The following CCDC88A variants were observed in gnomAD, a reference collection of about 807,000 sequenced individuals.
The protein encoded by CCDC88A is girdin.
In CCDC88A, 54 loss-of-function variants were observed where a neutral mutation model predicts 234.3. The ratio of observed to expected loss-of-function variants is 0.23; its 90% confidence interval spans 0.19 to 0.29. CCDC88A has a LOEUF of 0.29. Among genes scored for constraint, CCDC88A ranks in the 10% least tolerant of loss-of-function variants. CCDC88A has a pLI of 1.00. For missense variants in CCDC88A, 1,832 were observed against 2,123.4 expected (o/e 0.86, Z 2.70); for synonymous variants, 753 against 737.8 (o/e 1.02, Z -0.33).
Position 55,419,083 on chromosome 2 carries a change from A to G in CCDC88A, c.-4T>C. 2 of 1,599,914 alleles carry G rather than the reference A, an allele frequency of 1.3e-6. No homozygotes were observed. The highest frequency in any genetic ancestry group is 8.6e-7 in the Non-Finnish European group (1 of 1,167,182). ...GAGTAAAAATTTCGTTCTCCATTTT[A>G]CAGAGTATGTATTTGAAAAAAGGAA... is the stretch of plus-strand genomic sequence containing the variant. On this transcript the variant is annotated 5_prime_UTR_variant, in exon 1 of 33. Coordinates refer to ENST00000436346, the MANE Select transcript of CCDC88A (RefSeq NM_001365480.1).
intron 2 of CCDC88A, among the ~76,000 whole-genome samples, chr2:55,416,382 T>C (rs1681386109): frequency 7.5e-6 from 1 of 133,222 alleles, no homozygotes; most frequent in Non-Finnish European, 1.6e-5. Context: ...ACATCAAAGC[T>C]ACTAATATAT....
At chr2:55,392,558 T>G (rs561131536) in intron 2 of CCDC88A, among the ~76,000 whole-genome samples, 9 of 152,360 alleles carry the variant, frequency 5.9e-5, no homozygotes, top group Non-Finnish European at 8.8e-5. Context: ...TCCTAGATGC[T>G]TACAGTTTTT....
intron 13 of CCDC88A, among the ~76,000 whole-genome samples, chr2:55,338,711 T>C (rs2589072): frequency 0.5 from 75,957 of 152,026 alleles, 21,273 homozygotes; most frequent in East Asian, 0.85. Context: ...AGAAAGCTCT[T>C]AAGGAGTGCT....
intron 5 of CCDC88A, among the ~76,000 whole-genome samples, chr2:55,371,467 C>T (rs866072865): frequency 1.3e-5 from 2 of 152,188 alleles, no homozygotes; most frequent in East Asian, 1.9e-4. Context: ...TTTAAAATGA[C>T]ACTGTAATAA....
chr2:55,332,751 AAGTC>A lies in CCDC88A; in HGVS notation c.2728-62_2728-59del. 8 of 1,489,226 alleles carry A rather than the reference AAGTC, an allele frequency of 5.4e-6. No individual in the cohort carries two copies. In the South Asian group the frequency reaches 9.4e-5, roughly 17 times the overall value. 92.3% of individuals were successfully genotyped at this position (1,489,226 alleles called of 1,614,324 possible). A position where few individuals can be genotyped will look rare whatever the true frequency, so the allele number is the denominator to read the frequency against. The stretch of plus-strand genomic sequence containing the variant: ...GTGTCAAGGGTATAAACATCTAAGA[AAGTC>A]AGCTAAGATTCTAATTACCACCATC... On this transcript the variant is annotated intron_variant, in intron 15 of 32. Transcript: ENST00000436346. This position sits in a 1 kb window ranked among gnomAD's most constrained non-coding sequence, Gnocchi z 4.5.
At chr2:55,305,438 T>G (rs761820228) in intron 25 of CCDC88A, among the ~76,000 whole-genome samples, 1 of 152,212 alleles carries the variant, frequency 6.6e-6, no homozygotes, top group Non-Finnish European at 1.5e-5. Flanking sequence ...TGATTCTTAT[T>G]CTGGATGTTT....
intron 2 of CCDC88A, chr2:55,397,121 C>G (rs56133422): frequency 0.51 from 76,725 of 151,606 alleles, 21,482 homozygotes; most frequent in Admixed American, 0.63. Context: ...GATGGAGTCT[C>G]GCTCTGTCAC....
intron 6 of CCDC88A, chr2:55,363,697 T>C (rs186923689): frequency 2.5e-5 from 8 of 318,586 alleles, no homozygotes; most frequent in Admixed American, 1.5e-4. Flanking sequence ...CAAAGACATA[T>C]ACCTCATTCC....
intron 17 of CCDC88A, chr2:55,322,929 C>T (rs930633236): frequency 1.9e-5 from 6 of 308,194 alleles, no homozygotes; most frequent in African/African-American, 1.1e-4. Context: ...TATCGTTTGT[C>T]GTGCAAATGC....
chr2:55,310,099 AG>A (rs1281292170), intron 23 of CCDC88A, among the ~76,000 whole-genome samples: 1 of 152,220 alleles, frequency 6.6e-6, no homozygotes, highest in Non-Finnish European at 1.5e-5. Flanking sequence ...GTGTAGTTGT[AG>A]GAAGTTAAAA....
intron 11 of CCDC88A, 114 bp downstream of exon 11, chr2:55,344,254 C>G (rs1668839123): frequency 1.7e-6 from 1 of 599,476 alleles, no homozygotes; most frequent in East Asian, 3.0e-5. Context: ...TTAGCTCTCT[C>G]TTCTCTGTTA....
chr2:55,359,709 A>G (rs1671043188), intron 7 of CCDC88A, among the ~76,000 whole-genome samples: 1 of 151,644 alleles, frequency 6.6e-6, no homozygotes. Flanking sequence ...TTTTATTAAA[A>G]TAACTTCCTT....
chr2:55,304,872 A>G (rs1219315008), intron 25 of CCDC88A, among the ~76,000 whole-genome samples: 1 of 152,242 alleles, frequency 6.6e-6, no homozygotes. Context: ...CTATTTAATA[A>G]CTACATTCTT....
chr2:55,397,593 T>C (rs1018961777), intron 2 of CCDC88A, among the ~76,000 whole-genome samples: 7 of 152,120 alleles, frequency 4.6e-5, no homozygotes, highest in East Asian at 1.9e-4. Context: ...AATGAACATA[T>C]AGTAATATCA....
At chr2:55,324,859 T>C (rs1684068710) in intron 17 of CCDC88A, among the ~76,000 whole-genome samples, 2 of 152,176 alleles carry the variant, frequency 1.3e-5, no homozygotes, top group Non-Finnish European at 2.9e-5. Flanking sequence ...TTGGCCAGGC[T>C]CGTCTTGAAC....
rs781638405 is a variant in CCDC88A at position 55,289,629 on chromosome 2, T to C, written c.*1571A>G. ...GGTAAAACCTAAGTTACCGGTGGCA[T>C]TGAAGTACGTAAGTAAGCTCAAGTT... On this transcript the variant is annotated 3_prime_UTR_variant, in exon 33 of 33. Transcript: ENST00000436346. 6.6e-6 allele frequency: 1 copy of C among 152,216 alleles called. No individual in the cohort carries two copies. The highest frequency in any genetic ancestry group is 2.4e-5 in the African/African-American group (1 of 41,466). 9.4% of individuals were successfully genotyped at this position (152,216 alleles called of 1,614,324 possible).
Position 55,406,048 on chromosome 2 carries a change from C to T in CCDC88A, c.164+12768G>A, listed in dbSNP as rs369624616. The T allele has an allele frequency of 1.5e-4, 23 of 151,912 alleles. 1 individual carries two copies. Among genetic ancestry groups the T allele is most frequent in the Admixed American group, 1.2e-3 (19 of 15,220 alleles). 9.4% of individuals were successfully genotyped at this position (151,912 alleles called of 1,614,324 possible). A position where few individuals can be genotyped will look rare whatever the true frequency, so the allele number is the denominator to read the frequency against. On this transcript the variant is annotated intron_variant, in intron 2 of 32. Transcript: ENST00000436346. ...GTGGCACGCGCTGTAGTCCCAGCAA[C>T]TCAGGATGCTGAGGCAGGAGAATTG...
At chr2:55,409,981 T>C (rs1680214728) in intron 2 of CCDC88A, among the ~76,000 whole-genome samples, 1 of 152,052 alleles carries the variant, frequency 6.6e-6, no homozygotes, top group African/African-American at 2.4e-5. Context: ...CCTCAAGTGA[T>C]CCACCCGCCT....
At chr2:55,376,199 T>C (rs1188153548) in intron 3 of CCDC88A, among the ~76,000 whole-genome samples, 1 of 152,222 alleles carries the variant, frequency 6.6e-6, no homozygotes, top group African/African-American at 2.4e-5. Context: ...GCAAAGGGTC[T>C]GGGATGAATT....
Sources: allele counts gnomAD v4.1 joint callset (sites outside exome capture counted in the v4.1 genomes callset), GRCh38; gene constraint gnomAD v4.1.1; non-coding constraint Gnocchi (gnomAD v3.1); transcripts MANE v1.5; gene names NCBI Gene and HGNC (gene_info 2026-07-23, HGNC 2026-07-21).